Variants in PDZD2 observed in about 807,000 individuals in gnomAD.
PDZD2 encodes PDZ domain containing 2.
Under a neutral mutation model 220.7 loss-of-function variants are expected in PDZD2, and 90 were observed. The observed-to-expected ratio is 0.41, with a 90% CI of 0.34 to 0.49. PDZD2 has a LOEUF of 0.49. Ranked by LOEUF, PDZD2 falls within the 20% of genes least tolerant of loss-of-function variation. PDZD2 has a pLI of 0.28. For synonymous variants in PDZD2, 1,375 were observed against 1,450.5 expected, an observed-to-expected ratio of 0.95 and a Z score of 1.18; for missense variants, 3,174 against 3,608.5, an observed-to-expected ratio of 0.88 and a Z score of 3.08.
intron 1 of PDZD2, among the ~76,000 whole-genome samples, chr5:31,690,748 C>T (rs1367410344): frequency 6.6e-6 from 1 of 152,220 alleles, no homozygotes; most frequent in Non-Finnish European, 1.5e-5. Context: ...AGGACAAGCA[C>T]CTCCTTTCAA....
At chr5:31,689,351 A>ATTTTTTTTTTT (rs1288275783) in intron 1 of PDZD2, among the ~76,000 whole-genome samples, 48 of 28,180 alleles carry the variant, frequency 1.7e-3, no homozygotes, top group East Asian at 8.2e-3. Context: ...ATATATATAT[A>ATTTTTTTTTTT]TATTTTTTTT....
chr5:31,944,254 C>A (rs904788286), intron 2 of PDZD2, among the ~76,000 whole-genome samples: 2 of 152,088 alleles, frequency 1.3e-5, no homozygotes, highest in African/African-American at 4.8e-5. Context: ...AGAAAAGGAA[C>A]CCTGTCTTAA....
chr5:31,771,863 AT>A (rs929956714), intron 1 of PDZD2, among the ~76,000 whole-genome samples: 2 of 152,038 alleles, frequency 1.3e-5, no homozygotes, highest in Non-Finnish European at 2.9e-5. Context: ...TTAGGCCTCA[AT>A]TTTTTTAACC....
At chr5:32,043,166 C>T (rs1737586166) in intron 7 of PDZD2, among the ~76,000 whole-genome samples, 1 of 152,206 alleles carries the variant, frequency 6.6e-6, no homozygotes, top group South Asian at 2.1e-4. Context: ...GCTGGAGGGC[C>T]TCCCAGATGT....
chr5:31,838,518 C>T (rs761264657), intron 2 of PDZD2, among the ~76,000 whole-genome samples: 2 of 152,228 alleles, frequency 1.3e-5, no homozygotes, highest in Non-Finnish European at 2.9e-5. Flanking sequence ...GAGAAAGAAA[C>T]TCACCCAAAT....
intron 2 of PDZD2, among the ~76,000 whole-genome samples, chr5:31,951,210 C>T (rs1251729276): frequency 4.6e-5 from 7 of 152,096 alleles, no homozygotes; most frequent in South Asian, 2.1e-4. Context: ...CGGGATTACA[C>T]GTGTACAGCA....
At chr5:31,817,690 G>T (rs558304198) in intron 2 of PDZD2, among the ~76,000 whole-genome samples, 78 of 152,076 alleles carry the variant, frequency 5.1e-4, no homozygotes, top group African/African-American at 1.9e-3. Context: ...TTGAGACAGA[G>T]TCTCACTGTC....
At chr5:31,818,498 C>T (rs1755615549) in intron 2 of PDZD2, among the ~76,000 whole-genome samples, 1 of 152,112 alleles carries the variant, frequency 6.6e-6, no homozygotes, top group African/African-American at 2.4e-5. Context: ...CTAGTTTCTC[C>T]TCTCTTGTTC....
At chr5:31,997,401 A>T (rs1751721488) in intron 4 of PDZD2, among the ~76,000 whole-genome samples, 1 of 152,214 alleles carries the variant, frequency 6.6e-6, no homozygotes, top group Non-Finnish European at 1.5e-5. Flanking sequence ...ACAGAATAGG[A>T]TGCTAATCAC....
intron 2 of PDZD2, among the ~76,000 whole-genome samples, chr5:31,920,696 C>A (rs1345657046): frequency 2.0e-5 from 3 of 151,988 alleles, no homozygotes; most frequent in Non-Finnish European, 4.4e-5. Flanking sequence ...TAATGACACA[C>A]CAAATGTATA....
At chr5:32,042,809 G>A (rs1270804283) in intron 7 of PDZD2, among the ~76,000 whole-genome samples, 1 of 152,116 alleles carries the variant, frequency 6.6e-6, no homozygotes, top group African/African-American at 2.4e-5. Flanking sequence ...TTGGGGCGAG[G>A]GAGTCACAAG....
intron 2 of PDZD2, among the ~76,000 whole-genome samples, chr5:31,874,777 G>C (rs1010117203): frequency 1.5e-5 from 2 of 135,156 alleles, no homozygotes; most frequent in Admixed American, 1.5e-4. Context: ...AAAAAAAAAA[G>C]ATAAAATGCA....
chr5:31,704,367 T>C (rs1669149736), intron 1 of PDZD2, among the ~76,000 whole-genome samples: 1 of 152,210 alleles, frequency 6.6e-6, no homozygotes, highest in African/African-American at 2.4e-5. Flanking sequence ...TGTGTGTATG[T>C]ATATATGTAA....
rs184348193 is a variant in PDZD2, at chr5:31,856,322, G to C, written c.476+56598G>C. On this transcript the variant is annotated intron_variant, in intron 2 of 24. Transcript: ENST00000438447. ...CTTCAGTCAAACCCAAGGCCCCTGG[G>C]TGCAGCTGCAGGACTCACAGACAGG... 3.1e-3 allele frequency among the ~76,000 whole-genome samples: 470 copies of C among 152,288 alleles called. 1 individual carries two copies. Among genetic ancestry groups the C allele is most frequent in the African/African-American group, 0.011 (457 of 41,552 alleles).
rs145748389 is a variant in PDZD2 at position 31,976,296 on chromosome 5, T to C, written c.477-6859T>C. 6.5e-3 allele frequency among the ~76,000 whole-genome samples: 994 copies of C among 152,292 alleles called. 13 individuals carry two copies. Among genetic ancestry groups the C allele is most frequent in the African/African-American group, 0.023 (937 of 41,552 alleles). On this transcript the variant is annotated intron_variant, in intron 2 of 24. Coordinates refer to ENST00000438447, the MANE Select transcript of PDZD2 (RefSeq NM_178140.4). ...AGTTGTTCTCTGGGAACCTGTAGATTTACAGCATCAGACAGTTCTCTGAGT... is the reference window on the plus strand; with the variant it reads ...AGTTGTTCTCTGGGAACCTGTAGATCTACAGCATCAGACAGTTCTCTGAGT...
intron 15 of PDZD2, among the ~76,000 whole-genome samples, chr5:32,070,773 A>G (rs7725964): frequency 0.21 from 31,518 of 152,216 alleles, 3,544 homozygotes; most frequent in African/African-American, 0.3. Context: ...AGGCGGGCAG[A>G]TCACCTGAAG....
intron 3 of PDZD2, among the ~76,000 whole-genome samples, chr5:31,992,437 G>GTA (rs35302605): frequency 8.6e-5 from 13 of 151,386 alleles, no homozygotes; most frequent in South Asian, 2.1e-4. Context: ...TCTTCTGTCA[G>GTA]TATATATATA....
At chr5:31,974,510 G>A (rs2111806451) in intron 2 of PDZD2, among the ~76,000 whole-genome samples, 1 of 152,272 alleles carries the variant, frequency 6.6e-6, no homozygotes, top group East Asian at 1.9e-4. Flanking sequence ...CTTATTTTGT[G>A]TATTTTCCCA....
intron 1 of PDZD2, among the ~76,000 whole-genome samples, chr5:31,645,577 C>T (rs899509581): frequency 5.9e-5 from 9 of 152,052 alleles, no homozygotes; most frequent in Non-Finnish European, 1.0e-4. Context: ...TCTTGTGATC[C>T]GCCTGCCTTG....
Sources: allele counts gnomAD v4.1 joint callset (sites outside exome capture counted in the v4.1 genomes callset), GRCh38; gene constraint gnomAD v4.1.1; transcripts MANE v1.5; gene names NCBI Gene and HGNC (gene_info 2026-07-23, HGNC 2026-07-21).